Variants in CADM2 observed in about 807,000 individuals in gnomAD.
CADM2 encodes immunoglobulin superfamily member 4D.
CADM2 carries 12 observed loss-of-function variants against 49.8 expected under a neutral mutation model. The ratio of observed to expected loss-of-function variants is 0.24; its 90% CI spans 0.15 to 0.39. The LOEUF is 0.39. Ranked by LOEUF, CADM2 falls within the 10% of genes least tolerant of loss-of-function variation. The pLI is 1.00. For missense variants in CADM2, 378 were observed against 492.3 expected (o/e 0.77, Z 2.20); for synonymous variants, 214 against 175.4 (o/e 1.22, Z -1.74).
chr3:85,557,173 A>G, intron 1 of CADM2, among the ~76,000 whole-genome samples: 2 of 152,148 alleles, frequency 1.3e-5, no homozygotes, highest in South Asian at 4.1e-4. Flanking sequence ...AGCTGAAGTG[A>G]TAAATAAAAA....
At chr3:86,042,470 A>T (rs1040764912) in intron 8 of CADM2, among the ~76,000 whole-genome samples, 7 of 152,198 alleles carry the variant, frequency 4.6e-5, no homozygotes, top group Admixed American at 4.6e-4. Context: ...TATAAATTAG[A>T]AAATCTAGAA....
intron 1 of CADM2, among the ~76,000 whole-genome samples, chr3:85,113,188 G>C (rs966968076): frequency 6.6e-6 from 1 of 152,020 alleles, no homozygotes; most frequent in Non-Finnish European, 1.5e-5. Flanking sequence ...CTTTGTTACA[G>C]ACATCATGCC....
chr3:85,788,836 G>A (rs1008477004), intron 2 of CADM2, among the ~76,000 whole-genome samples: 15 of 151,574 alleles, frequency 9.9e-5, no homozygotes, highest in African/African-American at 3.4e-4. Flanking sequence ...TTTGAAATAA[G>A]GTTTTTAATG....
intron 1 of CADM2, among the ~76,000 whole-genome samples, chr3:85,681,177 C>T (rs1343123364): frequency 1.3e-5 from 2 of 152,062 alleles, no homozygotes; most frequent in Non-Finnish European, 2.9e-5. Context: ...ACAGTGATTT[C>T]CCTGACTGGC....
intron 1 of CADM2, among the ~76,000 whole-genome samples, chr3:85,653,520 T>G (rs2065114846): frequency 6.6e-6 from 1 of 151,862 alleles, no homozygotes. Context: ...ATTGCTTTTT[T>G]CTGAGAAGGA....
At chr3:85,155,874 G>A (rs2040095916) in intron 1 of CADM2, among the ~76,000 whole-genome samples, 1 of 152,114 alleles carries the variant, frequency 6.6e-6, no homozygotes, top group Admixed American at 6.6e-5. Context: ...CAGAAATAAA[G>A]ATGTTCTTTG....
chr3:85,144,641 A>AAAGT (rs1351660995), intron 1 of CADM2, among the ~76,000 whole-genome samples: 3 of 151,430 alleles, frequency 2.0e-5, no homozygotes, highest in Non-Finnish European at 4.4e-5. Flanking sequence ...AGAAAGAAAG[A>AAAGT]AAGAACAAGA....
At chr3:85,886,076 T>C in intron 4 of CADM2, 114 bp from the exon 5 acceptor site, 1 of 1,468,900 alleles carries the variant, frequency 6.8e-7, no homozygotes, top group Non-Finnish European at 9.2e-7. Flanking sequence ...TTCATCTTGA[T>C]CGAACTTCTT....
At chr3:85,482,032 G>A (rs539556507) in intron 1 of CADM2, among the ~76,000 whole-genome samples, 1 of 151,824 alleles carries the variant, frequency 6.6e-6, no homozygotes, top group African/African-American at 2.4e-5. Context: ...AAAGGGAGAA[G>A]TGTTCATAAG....
At chr3:85,224,215 C>T (rs922335287) in intron 1 of CADM2, among the ~76,000 whole-genome samples, 2 of 152,214 alleles carry the variant, frequency 1.3e-5, no homozygotes, top group East Asian at 1.9e-4. Flanking sequence ...TTTACATGCC[C>T]GCCAACAATG....
intron 1 of CADM2, among the ~76,000 whole-genome samples, chr3:85,287,366 A>C (rs2106915266): frequency 6.6e-6 from 1 of 152,198 alleles, no homozygotes; most frequent in East Asian, 1.9e-4. Flanking sequence ...TTTAATCATA[A>C]AAGAAATATT....
intron 3 of CADM2, among the ~76,000 whole-genome samples, chr3:85,876,467 A>G (rs572287786): frequency 6.6e-6 from 1 of 152,246 alleles, no homozygotes; most frequent in Non-Finnish European, 1.5e-5. Context: ...AAAAAGTCCA[A>G]AAAGGTATAT....
At chr3:85,425,256 A>G (rs1247263722) in intron 1 of CADM2, among the ~76,000 whole-genome samples, 3 of 152,180 alleles carry the variant, frequency 2.0e-5, no homozygotes, top group Non-Finnish European at 4.4e-5. Context: ...AAATTACCAG[A>G]CTTAATGATT....
intron 1 of CADM2, among the ~76,000 whole-genome samples, chr3:85,473,024 G>T (rs527815833): frequency 6.6e-6 from 1 of 152,048 alleles, no homozygotes; most frequent in African/African-American, 2.4e-5. Flanking sequence ...TATATGTAAT[G>T]AATATGATAT....
chr3:85,251,532 T>C (rs2042774718), intron 1 of CADM2, among the ~76,000 whole-genome samples: 1 of 151,982 alleles, frequency 6.6e-6, no homozygotes, highest in South Asian at 2.1e-4. Flanking sequence ...AAGCTGAATA[T>C]GAAAATATAA....
chr3:85,065,051 A>G (rs144051929), intron 1 of CADM2, among the ~76,000 whole-genome samples: 13 of 152,234 alleles, frequency 8.5e-5, no homozygotes, highest in Non-Finnish European at 1.3e-4. Flanking sequence ...ATAAAATAAT[A>G]TCACACAACA....
chr3:84,967,609 C>A (rs2031099976), intron 1 of CADM2, among the ~76,000 whole-genome samples: 1 of 152,070 alleles, frequency 6.6e-6, no homozygotes, highest in African/African-American at 2.4e-5. Context: ...ACTCGGCTTC[C>A]TTTATACTCT....
chr3:85,590,724 A>G (rs1404707548), intron 1 of CADM2, among the ~76,000 whole-genome samples: 3 of 152,030 alleles, frequency 2.0e-5, no homozygotes, highest in East Asian at 3.9e-4. Context: ...TTTGCTAAGA[A>G]CAAAATGAAT....
intron 1 of CADM2, among the ~76,000 whole-genome samples, chr3:85,293,429 C>T (rs533971702): frequency 0.052 from 7,389 of 140,920 alleles, 274 homozygotes; most frequent in East Asian, 0.13. Context: ...TCCTCCCTAA[C>T]TCATTTTATG....
Sources: gnomAD v4.1 joint callset for allele counts (sites outside exome capture counted in the v4.1 genomes callset) on GRCh38, gnomAD v4.1.1 for gene constraint, MANE v1.5 for transcripts, NCBI Gene and HGNC (gene_info 2026-07-23, HGNC 2026-07-21) for gene names.